The following AKAP6 variants were observed in gnomAD, a reference collection of about 807,000 sequenced individuals.
The protein encoded by AKAP6 is A-kinase anchor protein 6.
In AKAP6, 58 loss-of-function variants were observed where a neutral mutation model predicts 188.5. That is an observed-to-expected ratio of 0.31 (90% CI 0.25 to 0.38). The LOEUF is 0.38. AKAP6 is among the 10% of genes least tolerant of loss of function. The pLI is 1.00. For synonymous variants in AKAP6, 989 were observed against 998.6 expected (o/e 0.99, Z 0.18); for missense variants, 2,710 against 2,740.0 (o/e 0.99, Z 0.24).
intron 1 of AKAP6, among the ~76,000 whole-genome samples, chr14:32,382,217 C>T (rs977860671): frequency 3.3e-5 from 5 of 152,078 alleles, no homozygotes; most frequent in Non-Finnish European, 7.4e-5. Context: ...TCAGTTAAGC[C>T]ATCTGCTGGG....
intron 1 of AKAP6, among the ~76,000 whole-genome samples, chr14:32,339,989 T>C (rs1252457985): frequency 1.3e-5 from 2 of 151,564 alleles, no homozygotes; most frequent in Non-Finnish European, 2.9e-5. Context: ...TTTTTTTTTT[T>C]CCTTGAAATT....
chr14:32,365,224 CAA>C (rs1371815234), intron 1 of AKAP6, among the ~76,000 whole-genome samples: 1 of 152,150 alleles, frequency 6.6e-6, no homozygotes, highest in Non-Finnish European at 1.5e-5. Context: ...GTAACTGTGT[CAA>C]GTGAGTCATG....
chr14:32,675,527 T>G lies in AKAP6; in HGVS notation c.2731-2784T>G, dbSNP rs963753349. 2.6e-4 allele frequency among the ~76,000 whole-genome samples: 39 copies of G among 152,226 alleles called. 1 individual carries two copies. Among genetic ancestry groups the G allele is most frequent in the Admixed American group, 2.6e-3 (39 of 15,288 alleles). ...TTTATCTTTGGACTAAAATATAGTCTGATAAAAAGTTAAGATAGTCTGCAG... is the reference window on the plus strand; with the variant it reads ...TTTATCTTTGGACTAAAATATAGTCGGATAAAAAGTTAAGATAGTCTGCAG... On this transcript the variant is annotated intron_variant, in intron 7 of 13. Coordinates refer to ENST00000280979, the MANE Select transcript of AKAP6 (RefSeq NM_004274.5).
At chr14:32,719,370 G>A (rs1317959579) in intron 9 of AKAP6, among the ~76,000 whole-genome samples, 2 of 152,086 alleles carry the variant, frequency 1.3e-5, no homozygotes, top group Admixed American at 1.3e-4. Context: ...GTTTTTTGAT[G>A]ATGACAGTAA....
intron 7 of AKAP6, among the ~76,000 whole-genome samples, chr14:32,626,886 T>G (rs1302162396): frequency 6.6e-6 from 1 of 152,146 alleles, no homozygotes; most frequent in African/African-American, 2.4e-5. Context: ...TTCTTACCAG[T>G]GCCTCACACA....
chr14:32,360,393 C>G (rs527659954), intron 1 of AKAP6, among the ~76,000 whole-genome samples: 1 of 152,280 alleles, frequency 6.6e-6, no homozygotes, highest in African/African-American at 2.4e-5. Context: ...TCTCAAAGTG[C>G]TGGGATTACA....
intron 2 of AKAP6, among the ~76,000 whole-genome samples, chr14:32,518,570 C>T (rs569435296): frequency 5.9e-5 from 9 of 151,994 alleles, no homozygotes; most frequent in Admixed American, 2.6e-4. Flanking sequence ...GTAGCCAATT[C>T]GATCAAGTGG....
At chr14:32,531,850 A>G (rs1882434259) in intron 2 of AKAP6, among the ~76,000 whole-genome samples, 1 of 152,230 alleles carries the variant, frequency 6.6e-6, no homozygotes. Flanking sequence ...TGCATAGTGT[A>G]TAGGCATACC....
intron 1 of AKAP6, chr14:32,402,053 G>A (rs767739887): frequency 2.0e-5 from 3 of 152,202 alleles, no homozygotes; most frequent in Non-Finnish European, 4.4e-5. Flanking sequence ...AATAAAAAGG[G>A]CGGAGGCTTA....
chr14:32,482,042 C>T (rs1566530145), intron 2 of AKAP6, among the ~76,000 whole-genome samples: 1 of 152,076 alleles, frequency 6.6e-6, no homozygotes, highest in Non-Finnish European at 1.5e-5. Flanking sequence ...GGTGGACTGG[C>T]CCATTAGTTG....
intron 7 of AKAP6, among the ~76,000 whole-genome samples, chr14:32,601,748 G>A (rs1031632315): frequency 2.0e-5 from 3 of 152,142 alleles, no homozygotes; most frequent in Non-Finnish European, 4.4e-5. Flanking sequence ...ATGTAGATTG[G>A]CATTGTGCTA....
intron 1 of AKAP6, chr14:32,373,331 C>T (rs984275365): frequency 1.3e-4 from 20 of 151,920 alleles, no homozygotes; most frequent in African/African-American, 4.3e-4. Flanking sequence ...CCAGGAGAGC[C>T]GATTGGTCAG....
chr14:32,607,505 A>G (rs1021268248), intron 7 of AKAP6, among the ~76,000 whole-genome samples: 24 of 152,202 alleles, frequency 1.6e-4, no homozygotes, highest in Non-Finnish European at 2.9e-5. Flanking sequence ...AGGCCTGGCC[A>G]TTATTTATTG....
intron 12 of AKAP6, 109 bp from the exon 13 acceptor site, chr14:32,821,293 G>A: frequency 8.1e-7 from 1 of 1,229,162 alleles, no homozygotes; most frequent in Non-Finnish European, 1.1e-6. Flanking sequence ...TCAAGTCCAT[G>A]CTTGGGGCAG....
At chr14:32,742,967 A>T (rs12885843) in intron 11 of AKAP6, among the ~76,000 whole-genome samples, 1 of 152,096 alleles carries the variant, frequency 6.6e-6, no homozygotes, top group Non-Finnish European at 1.5e-5. Context: ...AAAGTGGGTG[A>T]GTTGAAGTCT....
chr14:32,553,183 G>C (rs1330601464), intron 4 of AKAP6, among the ~76,000 whole-genome samples: 1 of 134,510 alleles, frequency 7.4e-6, no homozygotes, highest in Admixed American at 7.7e-5. Flanking sequence ...TTTTTTTTGA[G>C]ATGGAGTCTT....
chr14:32,354,288 C>T (rs1361647173), intron 1 of AKAP6, among the ~76,000 whole-genome samples: 1 of 150,736 alleles, frequency 6.6e-6, no homozygotes, highest in Non-Finnish European at 1.5e-5. Flanking sequence ...AGAACAGAGC[C>T]CTGTCTCAAA....
At chr14:32,454,869 C>T (rs376989558) in intron 2 of AKAP6, among the ~76,000 whole-genome samples, 3 of 46,776 alleles carry the variant, frequency 6.4e-5, no homozygotes, top group African/African-American at 1.7e-4. Flanking sequence ...CCCTCCCTCC[C>T]TCCCTCCCTC....
intron 2 of AKAP6, among the ~76,000 whole-genome samples, chr14:32,449,521 CAAAAAAA>C (rs33960351): frequency 2.9e-5 from 3 of 104,606 alleles, no homozygotes; most frequent in Admixed American, 2.2e-4. Context: ...GACTCCATCT[CAAAAAAA>C]AAAAAAAAAA....
Sources: gnomAD v4.1 joint callset for allele counts (sites outside exome capture counted in the v4.1 genomes callset) on GRCh38, gnomAD v4.1.1 for gene constraint, MANE v1.5 for transcripts, NCBI Gene and HGNC (gene_info 2026-07-23, HGNC 2026-07-21) for gene names.